Variants in MFHAS1 observed in about 807,000 individuals in gnomAD.
MFHAS1 encodes malignant fibrous histiocytoma-amplified sequence 1.
MFHAS1 carries 50 observed loss-of-function variants against 70.4 expected under a neutral mutation model. The observed-to-expected ratio is 0.71, with a 90% CI of 0.57 to 0.90. MFHAS1 has a LOEUF of 0.90. MFHAS1 is among the 40% of genes least tolerant of loss of function. The pLI is 0.00. For missense variants in MFHAS1, 1,795 were observed against 1,347.6 expected (o/e 1.33, Z -5.20); for synonymous variants, 952 against 620.0 (o/e 1.54, Z -7.96).
chr8:8,869,656 T>C (rs989161098), intron 1 of MFHAS1, among the ~76,000 whole-genome samples: 2 of 152,206 alleles, frequency 1.3e-5, no homozygotes, highest in African/African-American at 2.4e-5. Flanking sequence ...ATCAGTCCTG[T>C]TGAAATTAAT....
chr8:8,794,211 G>A (rs1026491037), intron 2 of MFHAS1, among the ~76,000 whole-genome samples: 2 of 151,934 alleles, frequency 1.3e-5, no homozygotes, highest in African/African-American at 4.8e-5. Flanking sequence ...AAAAAAGCCT[G>A]ACCTCTATGG....
At chr8:8,876,305 G>C (rs1809291370) in intron 1 of MFHAS1, among the ~76,000 whole-genome samples, 1 of 152,228 alleles carries the variant, frequency 6.6e-6, no homozygotes, top group South Asian at 2.1e-4. Flanking sequence ...AATCTATAAA[G>C]CAAATACAAA....
At chr8:8,801,101 GCTATT>G (rs2117265011) in intron 1 of MFHAS1, among the ~76,000 whole-genome samples, 1 of 152,202 alleles carries the variant, frequency 6.6e-6, no homozygotes, top group Admixed American at 6.5e-5. Context: ...TGTAGTCCCA[GCTATT>G]CAGGAGGCTG....
At chr8:8,799,393 G>C (rs938807458) in intron 1 of MFHAS1, among the ~76,000 whole-genome samples, 1 of 152,214 alleles carries the variant, frequency 6.6e-6, no homozygotes, top group East Asian at 1.9e-4. Context: ...ATCACAGAAA[G>C]TGAAACCATG....
At chr8:8,863,896 G>A (rs995017593) in intron 1 of MFHAS1, among the ~76,000 whole-genome samples, 7 of 152,152 alleles carry the variant, frequency 4.6e-5, no homozygotes, top group Admixed American at 1.3e-4. Flanking sequence ...CAGATATCAA[G>A]GAGCTGAAAC....
intron 1 of MFHAS1, among the ~76,000 whole-genome samples, chr8:8,833,532 G>A (rs1441353385): frequency 6.6e-6 from 1 of 152,150 alleles, no homozygotes. Flanking sequence ...AGGAGGCTGA[G>A]GTAGGAAGAC....
chr8:8,805,567 T>C (rs1806257904), intron 1 of MFHAS1, among the ~76,000 whole-genome samples: 2 of 152,176 alleles, frequency 1.3e-5, no homozygotes. Context: ...TTGGTCTGGT[T>C]GTCTCAGGGG....
rs914593229 is a variant in MFHAS1, at chr8:8,811,872, G to A, written c.2999-14381C>T. On this transcript the variant is annotated intron_variant, in intron 1 of 2. Transcript: ENST00000276282. ...CTGGTGGGGCACAGGGTTAGGCTGC[G>A]GGGGCCAGAGTCCACACCCTCTTCT... Among the ~76,000 whole-genome samples the A allele has an allele frequency of 3.9e-5, 6 of 152,292 alleles. No homozygotes were observed. The East Asian group carries it at 5.8e-4, about 15-fold the overall frequency.
intron 2 of MFHAS1, among the ~76,000 whole-genome samples, chr8:8,788,641 T>C (rs566989177): frequency 1.3e-5 from 2 of 152,142 alleles, no homozygotes; most frequent in Non-Finnish European, 2.9e-5. Flanking sequence ...ATTGTGCCAA[T>C]ACACTCCAGC....
chr8:8,823,563 T>G (rs1027884481), intron 1 of MFHAS1, among the ~76,000 whole-genome samples: 7 of 151,962 alleles, frequency 4.6e-5, no homozygotes, highest in African/African-American at 1.7e-4. Context: ...AAAAATATAT[T>G]TTCTACTTAA....
intron 1 of MFHAS1, among the ~76,000 whole-genome samples, chr8:8,832,892 T>G (rs916044236): frequency 6.6e-6 from 1 of 152,186 alleles, no homozygotes; most frequent in Non-Finnish European, 1.5e-5. Flanking sequence ...AGTAGCCCAT[T>G]CTTACACTGC....
intron 1 of MFHAS1, among the ~76,000 whole-genome samples, chr8:8,883,055 G>C (rs1328428079): frequency 1.3e-5 from 2 of 152,094 alleles, no homozygotes; most frequent in African/African-American, 2.4e-5. Context: ...CAGGAGGCTG[G>C]AGCAGGAGGA....
chr8:8,893,390 G>T lies in MFHAS1; in HGVS notation c.-332C>A, dbSNP rs1444969579. On this transcript the variant is annotated 5_prime_UTR_variant, in exon 1 of 3. Transcript: ENST00000276282. ...TCCGCCCGCCGCGCGGCGCCTCGGG[G>T]GGCCCGGCTCCGGCCCCGCTACCCT... The T allele has an allele frequency of 3.4e-5, 5 of 145,570 alleles. No individual in the cohort carries two copies. Among genetic ancestry groups the T allele is most frequent in the African/African-American group, 1.2e-4 (5 of 40,570 alleles). 9.0% of individuals were successfully genotyped at this position (145,570 alleles called of 1,614,324 possible). A position where few individuals can be genotyped will look rare whatever the true frequency, so the allele number is the denominator to read the frequency against.
At chr8:8,803,383 G>A (rs1806150279) in intron 1 of MFHAS1, among the ~76,000 whole-genome samples, 2 of 151,800 alleles carry the variant, frequency 1.3e-5, no homozygotes, top group African/African-American at 4.8e-5. Context: ...CAGGGATGGT[G>A]GTAGGCACCT....
intron 1 of MFHAS1, among the ~76,000 whole-genome samples, chr8:8,873,844 T>C (rs769544472): frequency 2.6e-5 from 4 of 152,358 alleles, no homozygotes; most frequent in African/African-American, 9.6e-5. Context: ...GGACAGAACA[T>C]CATTCTTGCT....
At chr8:8,833,873 G>T (rs553273122) in intron 1 of MFHAS1, among the ~76,000 whole-genome samples, 9 of 152,064 alleles carry the variant, frequency 5.9e-5, no homozygotes, top group African/African-American at 1.9e-4. Context: ...AAAAGAAACA[G>T]CCTACACTTT....
chr8:8,870,358 C>T lies in MFHAS1; in HGVS notation c.2998+19703G>A, dbSNP rs533847538. 5.9e-5 allele frequency among the ~76,000 whole-genome samples: 9 copies of T among 151,582 alleles called. No homozygotes were observed. In the South Asian group the frequency reaches 1.7e-3, roughly 28 times the overall value. ...CACGCACCTACAGTCTCAGCTAACT[C>T]GGGAGGCTGCAGTGGAAGGATAGCT... On this transcript the variant is annotated intron_variant, in intron 1 of 2. Transcript: ENST00000276282.
chr8:8,834,891 A>C (rs977314455), intron 1 of MFHAS1, among the ~76,000 whole-genome samples: 11 of 152,234 alleles, frequency 7.2e-5, no homozygotes, highest in African/African-American at 2.7e-4. Flanking sequence ...TTGGAGGGAA[A>C]CAGCAATAAT....
chr8:8,830,006 G>A (rs1346410248), intron 1 of MFHAS1, among the ~76,000 whole-genome samples: 1 of 152,174 alleles, frequency 6.6e-6, no homozygotes, highest in African/African-American at 2.4e-5. Context: ...GGTCTGGGGT[G>A]TGGCCTGGGA....
Sources: gnomAD v4.1 joint callset for allele counts (sites outside exome capture counted in the v4.1 genomes callset) on GRCh38, gnomAD v4.1.1 for gene constraint, MANE v1.5 for transcripts, NCBI Gene and HGNC (gene_info 2026-07-23, HGNC 2026-07-21) for gene names.